The following HIVEP2 variants were observed in gnomAD, a reference collection of about 807,000 sequenced individuals.
The protein encoded by HIVEP2 is HIVEP zinc finger 2, also known as transcription factor HIVEP2.
In HIVEP2, 14 loss-of-function variants were observed where a neutral mutation model predicts 180.7. That is an observed-to-expected ratio of 0.08 (90% CI 0.05 to 0.12). HIVEP2 has a LOEUF of 0.12. Ranked by LOEUF, HIVEP2 falls within the 10% of genes least tolerant of loss-of-function variation. The pLI is 1.00. For missense variants in HIVEP2, 2,579 were observed against 3,008.5 expected (o/e 0.86, Z 3.34); for synonymous variants, 1,184 against 1,136.4 (o/e 1.04, Z -0.84).
At chr6:142,885,010 A>G (rs1022756704) in intron 1 of HIVEP2, among the ~76,000 whole-genome samples, 1 of 152,174 alleles carries the variant, frequency 6.6e-6, no homozygotes, top group Non-Finnish European at 1.5e-5. Context: ...AAATTCCTAC[A>G]TAGCACTAGG....
At chr6:142,756,046 G>T (rs980126851) in intron 9 of HIVEP2, among the ~76,000 whole-genome samples, 1 of 152,164 alleles carries the variant, frequency 6.6e-6, no homozygotes, top group Non-Finnish European at 1.5e-5. Context: ...AAATTTTGTC[G>T]TGGAAAAACA....
intron 3 of HIVEP2, among the ~76,000 whole-genome samples, chr6:142,777,979 G>C (rs1026632918): frequency 6.6e-6 from 1 of 152,088 alleles, no homozygotes; most frequent in African/African-American, 2.4e-5. Flanking sequence ...AAAAGCACCC[G>C]GAAATTCCCA....
chr6:142,894,453 T>A (rs1776934685), intron 1 of HIVEP2, among the ~76,000 whole-genome samples: 1 of 152,222 alleles, frequency 6.6e-6, no homozygotes, highest in Non-Finnish European at 1.5e-5. Context: ...TTTTATAGCC[T>A]GGAGTACCTT....
rs562512180 is a variant in HIVEP2, at chr6:142,879,887, T to C, written c.-640-42840A>G. On this transcript the variant is annotated intron_variant, in intron 1 of 9. Transcript: ENST00000367603. ...GCAAAAGTCACTCAATAGTGCCACA[T>C]GGGCCATGATCTCTGACTTCCAATG... Among the ~76,000 whole-genome samples the C allele has an allele frequency of 6.6e-5, 10 of 152,292 alleles. No homozygotes were observed. The South Asian group carries it at 1.9e-3, about 28-fold the overall frequency.
intron 2 of HIVEP2, among the ~76,000 whole-genome samples, chr6:142,832,402 AAAAATGC>A (rs1775112288): frequency 6.6e-6 from 1 of 152,224 alleles, no homozygotes; most frequent in South Asian, 2.1e-4. Flanking sequence ...GTGCAAGTAC[AAAAATGC>A]ATACAAAAAG....
intron 2 of HIVEP2, among the ~76,000 whole-genome samples, chr6:142,821,718 G>T (rs1046157827): frequency 6.6e-6 from 1 of 152,166 alleles, no homozygotes; most frequent in Non-Finnish European, 1.5e-5. Flanking sequence ...CACTGGGTTG[G>T]CTGAAAGATT....
chr6:142,898,532 C>A lies in HIVEP2; in HGVS notation c.-641+46567G>T, dbSNP rs547853210. On this transcript the variant is annotated intron_variant, in intron 1 of 9. Coordinates refer to ENST00000367603, the MANE Select transcript of HIVEP2 (RefSeq NM_006734.4). ...AAAAAATTAGCCAGGTGTGGTGGTG[C>A]ACGCCTGTCATCCCAGCTACTCAGG... Among the ~76,000 whole-genome samples, 466 of 152,072 alleles carry A rather than the reference C, an allele frequency of 3.1e-3. 2 individuals carry two copies. The highest frequency in any genetic ancestry group is 0.011 in the African/African-American group (451 of 41,510).
intron 1 of HIVEP2, among the ~76,000 whole-genome samples, chr6:142,862,842 ATATT>A (rs1776033445): frequency 7.5e-6 from 1 of 133,564 alleles, no homozygotes; most frequent in South Asian, 2.2e-4. Flanking sequence ...TAAATTATAT[ATATT>A]TATTTATATA....
At chr6:142,912,196 T>C (rs894265784) in intron 1 of HIVEP2, among the ~76,000 whole-genome samples, 1 of 152,216 alleles carries the variant, frequency 6.6e-6, no homozygotes, top group Non-Finnish European at 1.5e-5. Context: ...CCAAAGCCAC[T>C]TGTGTTTAGT....
intron 9 of HIVEP2, among the ~76,000 whole-genome samples, chr6:142,757,796 A>G (rs1253250464): frequency 6.6e-6 from 1 of 152,220 alleles, no homozygotes; most frequent in Non-Finnish European, 1.5e-5. Context: ...TAAAAATCAG[A>G]TGAACTCCCT....
chr6:142,905,310 G>C (rs182987990), intron 1 of HIVEP2, among the ~76,000 whole-genome samples: 134 of 152,112 alleles, frequency 8.8e-4, no homozygotes, highest in African/African-American at 3.1e-3. Context: ...AATTCCAAAA[G>C]TGCATCCTGT....
Position 142,772,773 on chromosome 6 carries a change from G to T in HIVEP2, c.1966C>A (p.Gln656Lys). The T allele has an allele frequency of 6.2e-7, 1 of 1,614,162 alleles. No individual in the cohort carries two copies. The highest frequency in any genetic ancestry group is 1.1e-5 in the South Asian group (1 of 91,084). ...AAGCAGGAAATGTCCCTGTAGTTTT[G>T]CTTTGGTGTTTCAGAGTCCTCCCAC... ...KKWEDSETPK[Q>K]NYRDISCLSS... Residue 656 changes from glutamine to lysine, a missense_variant, in exon 5 of 10, where the codon CAA (glutamine) becomes AAA (lysine). Gln to Lys is a moderately conservative substitution (Grantham distance 53). This residue lies in a region of HIVEP2 where 524 missense variants were observed against 563.6 expected (regional missense o/e 0.93). Transcript: ENST00000367603. The surrounding 1 kb of genome is among the most constrained non-coding windows in gnomAD (Gnocchi z 4.9).
intron 2 of HIVEP2, among the ~76,000 whole-genome samples, chr6:142,793,227 TAA>T (rs1299933559): frequency 6.6e-6 from 1 of 152,212 alleles, no homozygotes; most frequent in Non-Finnish European, 1.5e-5. Context: ...ACAGTAGATT[TAA>T]GACTGTTATA....
intron 1 of HIVEP2, among the ~76,000 whole-genome samples, chr6:142,921,295 A>G (rs928143467): frequency 6.6e-6 from 1 of 152,248 alleles, no homozygotes; most frequent in African/African-American, 2.4e-5. Flanking sequence ...CAATCCCAGC[A>G]CTTTGGGAGG....
chr6:142,824,863 A>C (rs1774834392), intron 2 of HIVEP2, among the ~76,000 whole-genome samples: 1 of 151,760 alleles, frequency 6.6e-6, no homozygotes, highest in Non-Finnish European at 1.5e-5. Context: ...AAACCAATAA[A>C]GTCCATACAT....
At chr6:142,844,668 A>C (rs1235764136) in intron 1 of HIVEP2, among the ~76,000 whole-genome samples, 1 of 152,202 alleles carries the variant, frequency 6.6e-6, no homozygotes, top group Non-Finnish European at 1.5e-5. Context: ...CAAAGCATCA[A>C]GGCTTGAATG....
intron 1 of HIVEP2, among the ~76,000 whole-genome samples, chr6:142,890,293 T>C (rs1037401075): frequency 6.6e-6 from 1 of 152,236 alleles, no homozygotes; most frequent in African/African-American, 2.4e-5. Flanking sequence ...CCATAGAGAA[T>C]CTTCCTCAAA....
chr6:142,931,669 ATACTCCTTGC>A (rs1210917120), intron 1 of HIVEP2, among the ~76,000 whole-genome samples: 1 of 152,140 alleles, frequency 6.6e-6, no homozygotes, highest in African/African-American at 2.4e-5. Context: ...CAAAATACAT[ATACTCCTTGC>A]TACTTATAAA....
chr6:142,852,089 G>C (rs1775695628), intron 1 of HIVEP2, among the ~76,000 whole-genome samples: 1 of 152,124 alleles, frequency 6.6e-6, no homozygotes, highest in Non-Finnish European at 1.5e-5. Context: ...GGGTTTGGGA[G>C]ACTTTACACA....
Sources: gnomAD v4.1 joint callset for allele counts (sites outside exome capture counted in the v4.1 genomes callset) on GRCh38, gnomAD v4.1.1 for gene constraint, gnomAD v4.1.1 regional missense constraint, Gnocchi (gnomAD v3.1) non-coding constraint, MANE v1.5 for transcripts, NCBI Gene and HGNC (gene_info 2026-07-23, HGNC 2026-07-21) for gene names.